Variants in E2F5 observed in about 807,000 individuals in gnomAD.
E2F5 encodes transcription factor E2F5.
In E2F5, 23 loss-of-function variants were observed where a neutral mutation model predicts 39.1. The ratio of observed to expected loss-of-function variants is 0.59; its 90% CI spans 0.42 to 0.83. The LOEUF is 0.83. E2F5 is among the 40% of genes least tolerant of loss of function. The probability of loss-of-function intolerance (pLI) is 0.00; values close to 1 mark genes in which losing one functional copy is unlikely to be tolerated. For synonymous variants in E2F5, 145 were observed against 157.8 expected (o/e 0.92, Z 0.61); for missense variants, 365 against 406.7 (o/e 0.90, Z 0.88).
chr8:85,210,789 A>G (rs1221932883), intron 6 of E2F5, among the ~76,000 whole-genome samples: 1 of 152,150 alleles, frequency 6.6e-6, no homozygotes, highest in African/African-American at 2.4e-5. Context: ...TAATTAACAC[A>G]CTGGCTTCAA....
intron 5 of E2F5, 92 bp from the exon 6 acceptor site, chr8:85,209,050 T>A (rs1812859352): frequency 7.9e-7 from 1 of 1,265,684 alleles, no homozygotes; most frequent in African/African-American, 1.5e-5. Flanking sequence ...ATTTAGTAAG[T>A]CCCTAATAGC....
intron 1 of E2F5, among the ~76,000 whole-genome samples, chr8:85,193,453 A>G (rs1812512729): frequency 6.6e-6 from 1 of 152,202 alleles, no homozygotes; most frequent in Admixed American, 6.5e-5. Context: ...ACTGCACTCC[A>G]GCCTGGGTGA....
At chr8:85,178,352 C>G (rs1268276235) in intron 1 of E2F5, among the ~76,000 whole-genome samples, 1 of 152,086 alleles carries the variant, frequency 6.6e-6, no homozygotes, top group Non-Finnish European at 1.5e-5. Flanking sequence ...GGATATTTTA[C>G]AACTTTCACC....
intron 1 of E2F5, chr8:85,201,908 T>G: frequency 2.0e-6 from 1 of 507,118 alleles, no homozygotes. Context: ...TTTGCAGGCT[T>G]TGTGTCATGA....
intron 3 of E2F5, among the ~76,000 whole-genome samples, chr8:85,205,280 GGCTGGAGTGCAGTGAT>G (rs1812778248): frequency 6.6e-6 from 1 of 151,146 alleles, no homozygotes; most frequent in Non-Finnish European, 1.5e-5. Flanking sequence ...CTGTTGCCCA[GGCTGGAGTGCAGTGAT>G]GCGATCTTGG....
intron 1 of E2F5, among the ~76,000 whole-genome samples, chr8:85,194,533 CTT>C (rs753685580): frequency 3.9e-5 from 5 of 127,980 alleles, no homozygotes; most frequent in Non-Finnish European, 5.0e-5. Context: ...GTTTGTTTCT[CTT>C]TTTTTTTTTT....
At chr8:85,207,300 T>A (rs1399520170) in intron 4 of E2F5, 125 bp from the exon 5 acceptor site, 6 of 690,158 alleles carry the variant, frequency 8.7e-6, no homozygotes, top group South Asian at 6.2e-5. Context: ...GAATTGAAAA[T>A]CAAAGCTCAA....
intron 1 of E2F5, among the ~76,000 whole-genome samples, chr8:85,195,959 A>G (rs1399490897): frequency 1.3e-5 from 2 of 152,162 alleles, no homozygotes; most frequent in African/African-American, 4.8e-5. Flanking sequence ...TTGGTAAGAC[A>G]ATAGAAATGA....
chr8:85,188,258 T>A (rs1450120923), intron 1 of E2F5, among the ~76,000 whole-genome samples: 1 of 152,088 alleles, frequency 6.6e-6, no homozygotes, highest in Non-Finnish European at 1.5e-5. Flanking sequence ...TTAGTCAGTG[T>A]ACTTACTTTT....
At chr8:85,181,961 CAA>C (rs35223016) in intron 1 of E2F5, among the ~76,000 whole-genome samples, 15 of 145,704 alleles carry the variant, frequency 1.0e-4, no homozygotes, top group Admixed American at 2.7e-4. Flanking sequence ...AACTGTGTCT[CAA>C]AAAAAAAAAA....
At position 85,214,040 on chromosome 8, in the gene E2F5, C is replaced by T. The variant is rs1813024853; in HGVS notation, c.*178C>T. ...ACTTCAACCATAAAAACAAAGGGCT[C>T]TGATTGCTTTAGGGGATAAGTGATT... On this transcript the variant is annotated 3_prime_UTR_variant, in exon 8 of 8. Transcript: ENST00000416274. The T allele has an allele frequency of 3.4e-6, 2 of 593,508 alleles. No individual in the cohort carries two copies. The highest frequency in any genetic ancestry group is 3.8e-5 in the South Asian group (2 of 52,172). 36.8% of individuals were successfully genotyped at this position (593,508 alleles called of 1,614,324 possible).
chr8:85,206,060 T>C (rs1285965266), intron 3 of E2F5, 117 bp from the exon 4 acceptor site: 5 of 912,974 alleles, frequency 5.5e-6, no homozygotes, highest in Non-Finnish European at 8.7e-6. Context: ...TCTGTCCATG[T>C]GTGGCAGTCC....
intron 1 of E2F5, among the ~76,000 whole-genome samples, chr8:85,196,109 A>G (rs1264788752): frequency 6.6e-6 from 1 of 152,152 alleles, no homozygotes. Context: ...TTTTAAGGAG[A>G]GATTTCCTTG....
chr8:85,182,805 A>C (rs936971033), intron 1 of E2F5, among the ~76,000 whole-genome samples: 1 of 152,194 alleles, frequency 6.6e-6, no homozygotes, highest in African/African-American at 2.4e-5. Context: ...AAGATTGCTT[A>C]TCTCTTTTAT....
In E2F5 at chr8:85,209,225, G is replaced by T; in HGVS notation, c.699G>T (p.Ser233=). Residue 233 remains serine, a synonymous_variant, in exon 6 of 8, where the codon TCG becomes TCT. Coordinates refer to ENST00000416274, the MANE Select transcript of E2F5 (RefSeq NM_001951.4). ...PIHVLLINKE[S]SSSKPVVFPV... Reference sequence around the variant, plus strand: ...ATGTGCTGCTTATAAATAAAGAGTCGAGTTCATCTAAGCCCGTGGTTTTTC... The same window carrying T: ...ATGTGCTGCTTATAAATAAAGAGTCTAGTTCATCTAAGCCCGTGGTTTTTC... 3 of 1,613,922 alleles carry T rather than the reference G, an allele frequency of 1.9e-6. No individual in the cohort carries two copies. Among genetic ancestry groups the T allele is most frequent in the Non-Finnish European group, 2.5e-6 (3 of 1,179,878 alleles).
At chr8:85,202,509 A>T (rs1436345487) in intron 2 of E2F5, among the ~76,000 whole-genome samples, 1 of 152,206 alleles carries the variant, frequency 6.6e-6, no homozygotes, top group Non-Finnish European at 1.5e-5. Flanking sequence ...TTTGGCACAC[A>T]TTGCATACTG....
At position 85,212,154 on chromosome 8, in the gene E2F5, C is replaced by T; in HGVS notation, c.884-3C>T. 1 of 1,607,352 alleles carries T rather than the reference C, an allele frequency of 6.2e-7. No individual in the cohort carries two copies. The highest frequency in any genetic ancestry group is 2.2e-5 in the East Asian group (1 of 44,652). On this transcript the variant is annotated splice_region_variant and splice_polypyrimidine_tract_variant and intron_variant, in intron 6 of 7. Coordinates refer to ENST00000416274, the MANE Select transcript of E2F5 (RefSeq NM_001951.4). ...TATAACAAAACTTTATTACTGTTTC[C>T]AGCAGGATCTATTAGTGGAGATATC...
intron 1 of E2F5, among the ~76,000 whole-genome samples, chr8:85,188,929 A>C (rs142388998): frequency 6.6e-6 from 1 of 152,274 alleles, no homozygotes; most frequent in East Asian, 1.9e-4. Flanking sequence ...ATTGTGCTGC[A>C]ACCAGATAGT....
Position 85,207,463 on chromosome 8 carries a change from C to T in E2F5, c.589C>T (p.Gln197Ter). 6.4e-7 allele frequency: 1 copy of T among 1,561,652 alleles called. No individual in the cohort carries two copies. ...GGCCATTCAGGCACCTTCTGGTACA[C>T]AACTGGAGGTACCCATTCCAGAAAT... Reference protein sequence around the residue: ...LLAIQAPSGTQLEVPIPEMGQ... With the variant: ...LLAIQAPSGT The change falls in exon 5 of 8, where the codon CAA (glutamine) becomes TAA (stop). Residue 197 changes from glutamine (Q) to a stop codon, truncating the protein, a stop_gained. Coordinates refer to ENST00000416274, the MANE Select transcript of E2F5 (RefSeq NM_001951.4). LOFTEE classifies it high-confidence loss of function.
Sources: gnomAD v4.1 joint callset for allele counts (sites outside exome capture counted in the v4.1 genomes callset) on GRCh38, gnomAD v4.1.1 for gene constraint, MANE v1.5 for transcripts, NCBI Gene and HGNC (gene_info 2026-07-23, HGNC 2026-07-21) for gene names.